The following TRERF1 variants were observed in gnomAD, a reference collection of about 807,000 sequenced individuals.
TRERF1 encodes transcriptional regulating factor 1.
In TRERF1, 27 loss-of-function variants were observed where a neutral mutation model predicts 122.9. The ratio of observed to expected loss-of-function variants is 0.22; its 90% CI spans 0.16 to 0.30. The LOEUF (loss-of-function observed/expected upper bound fraction) is 0.30, where lower values mean the gene tolerates loss of function less well. Among genes scored for constraint, TRERF1 ranks in the 10% least tolerant of loss-of-function variants. TRERF1 has a pLI of 1.00. For synonymous variants in TRERF1, 636 were observed against 641.7 expected, an observed-to-expected ratio of 0.99 and a Z score of 0.13; for missense variants, 1,248 against 1,560.3, an observed-to-expected ratio of 0.80 and a Z score of 3.37.
At chr6:42,436,890 G>A (rs1562210724) in intron 2 of TRERF1, among the ~76,000 whole-genome samples, 1 of 139,836 alleles carries the variant, frequency 7.2e-6, no homozygotes, top group African/African-American at 2.7e-5. Flanking sequence ...CAGTGAAAAA[G>A]TCTTAACACT....
intron 3 of TRERF1, among the ~76,000 whole-genome samples, chr6:42,362,490 C>G (rs189698550): frequency 1.3e-5 from 2 of 152,158 alleles, no homozygotes; most frequent in Non-Finnish European, 2.9e-5. Context: ...GTGGGAGGCC[C>G]GGCAGAGGAA....
chr6:42,262,448 GA>G (rs1561853639), intron 8 of TRERF1, among the ~76,000 whole-genome samples: 7 of 29,854 alleles, frequency 2.3e-4, no homozygotes, highest in Non-Finnish European at 4.1e-4. Flanking sequence ...GAGAGAGAGA[GA>G]GAGAGAGAGA....
chr6:42,388,135 C>T (rs982594940), intron 2 of TRERF1, among the ~76,000 whole-genome samples: 5 of 152,054 alleles, frequency 3.3e-5, no homozygotes, highest in Non-Finnish European at 5.9e-5. Context: ...AGCTGCCTGG[C>T]TATCAGGGTA....
At chr6:42,270,051 T>C (rs1779927728) in intron 4 of TRERF1, among the ~76,000 whole-genome samples, 1 of 152,166 alleles carries the variant, frequency 6.6e-6, no homozygotes, top group South Asian at 2.1e-4. Context: ...CTGGGTGTGG[T>C]GGCATGCGCC....
At chr6:42,343,896 G>C (rs901065132) in intron 3 of TRERF1, among the ~76,000 whole-genome samples, 5 of 152,220 alleles carry the variant, frequency 3.3e-5, no homozygotes, top group Admixed American at 6.5e-5. Context: ...GAGGAAGACG[G>C]ACTGACGCAT....
chr6:42,436,814 AATATATATAT>A (rs56057543), intron 2 of TRERF1, among the ~76,000 whole-genome samples: 18 of 66,668 alleles, frequency 2.7e-4, no homozygotes, highest in African/African-American at 6.3e-4. Context: ...AAAAAAAAAA[AATATATATAT>A]ATATATATAT....
chr6:42,265,429 C>T (rs1422815214), intron 6 of TRERF1, among the ~76,000 whole-genome samples: 1 of 152,170 alleles, frequency 6.6e-6, no homozygotes, highest in Non-Finnish European at 1.5e-5. Context: ...GCAGTCAATC[C>T]CAGCATTGTT....
intron 3 of TRERF1, among the ~76,000 whole-genome samples, chr6:42,324,682 G>C (rs1315976085): frequency 6.6e-6 from 1 of 152,150 alleles, no homozygotes; most frequent in African/African-American, 2.4e-5. Flanking sequence ...ATAGTGCTCA[G>C]AAAACTAGCT....
At chr6:42,242,046 G>T (rs60858629) in intron 15 of TRERF1, among the ~76,000 whole-genome samples, 6,261 of 152,268 alleles carry the variant, frequency 0.041, 436 homozygotes, top group African/African-American at 0.14. Context: ...AGTGAGCTAT[G>T]ATCATGCCGC....
intron 3 of TRERF1, among the ~76,000 whole-genome samples, chr6:42,335,296 C>A (rs1765935483): frequency 6.6e-6 from 1 of 152,138 alleles, no homozygotes; most frequent in Admixed American, 6.5e-5. Context: ...GTAGGGCATC[C>A]CCTCTGCTGA....
At chr6:42,451,573 T>G (rs1788524978) in intron 1 of TRERF1, among the ~76,000 whole-genome samples, 101 bp downstream of exon 1, 1 of 151,054 alleles carries the variant, frequency 6.6e-6, no homozygotes. Context: ...CCATATGCAT[T>G]CAGCCTCCCC....
At chr6:42,379,436 T>G (rs1277611078) in intron 2 of TRERF1, among the ~76,000 whole-genome samples, 2 of 152,052 alleles carry the variant, frequency 1.3e-5, no homozygotes, top group Admixed American at 6.6e-5. Context: ...TCATTTCCAT[T>G]TGTGTTTATC....
At chr6:42,285,932 T>C (rs1429997702) in intron 4 of TRERF1, among the ~76,000 whole-genome samples, 3 of 151,158 alleles carry the variant, frequency 2.0e-5, no homozygotes, top group Admixed American at 2.0e-4. Flanking sequence ...ATGGTACTGG[T>C]ACCAAAACAG....
chr6:42,346,539 A>G (rs2150769467), intron 3 of TRERF1, among the ~76,000 whole-genome samples: 1 of 152,316 alleles, frequency 6.6e-6, no homozygotes, highest in East Asian at 1.9e-4. Context: ...AAAGGCCTCT[A>G]TTAGAAATGC....
At chr6:42,408,210 AAT>A (rs34821629) in intron 2 of TRERF1, among the ~76,000 whole-genome samples, 3,428 of 107,114 alleles carry the variant, frequency 0.032, 196 homozygotes, top group African/African-American at 0.11. Context: ...TATATAAATA[AAT>A]ATATATATAT....
chr6:42,335,456 T>C (rs1581655718), intron 3 of TRERF1, among the ~76,000 whole-genome samples: 1 of 152,156 alleles, frequency 6.6e-6, no homozygotes, highest in East Asian at 1.9e-4. Context: ...TCAATGCCCA[T>C]TTTACAGAGG....
chr6:42,235,094 T>TTTA (rs911482629), intron 16 of TRERF1, among the ~76,000 whole-genome samples: 2 of 152,140 alleles, frequency 1.3e-5, no homozygotes, highest in African/African-American at 4.8e-5. Context: ...GTTTTTTTTT[T>TTTA]AATTTTCATT....
chr6:42,441,953 G>A (rs1370223320), intron 2 of TRERF1, among the ~76,000 whole-genome samples: 1 of 152,126 alleles, frequency 6.6e-6, no homozygotes, highest in African/African-American at 2.4e-5. Flanking sequence ...AAGACTTAAG[G>A]AATGAGCGTT....
At chr6:42,235,730 C>T (rs1291004223) in intron 16 of TRERF1, among the ~76,000 whole-genome samples, 2 of 152,162 alleles carry the variant, frequency 1.3e-5, no homozygotes, top group African/African-American at 4.8e-5. Flanking sequence ...ATTAGTAACA[C>T]TTTATGAAAT....
Sources: gnomAD v4.1 joint callset for allele counts (sites outside exome capture counted in the v4.1 genomes callset) on GRCh38, gnomAD v4.1.1 for gene constraint, MANE v1.5 for transcripts, NCBI Gene and HGNC (gene_info 2026-07-23, HGNC 2026-07-21) for gene names.